Variants in PARP16 observed in about 807,000 individuals in gnomAD.
PARP16 encodes the protein protein mono-ADP-ribosyltransferase PARP16.
In PARP16, 31 loss-of-function variants were observed where a neutral mutation model predicts 35.0. That is an observed-to-expected ratio of 0.88 (90% CI 0.66 to 1.19). PARP16 has a LOEUF of 1.19. Ranked by LOEUF, PARP16 falls within the 50% of genes most tolerant of loss-of-function variation. The pLI, the probability that PARP16 is intolerant of heterozygous loss-of-function variation, is 0.00. For missense variants in PARP16, 424 were observed against 411.2 expected (o/e 1.03, Z -0.27); for synonymous variants, 162 against 169.5 (o/e 0.96, Z 0.34).
chr15:65,240,779 G>A (rs1055607421), intron 3 of PARP16, among the ~76,000 whole-genome samples: 2 of 152,040 alleles, frequency 1.3e-5, no homozygotes, highest in Non-Finnish European at 2.9e-5. Flanking sequence ...GGAGAGAAGT[G>A]ACTGGATCAT....
At chr15:65,262,250 A>T (rs2089752621) in intron 4 of PARP16, among the ~76,000 whole-genome samples, 1 of 151,178 alleles carries the variant, frequency 6.6e-6, no homozygotes, top group African/African-American at 2.4e-5. Flanking sequence ...CTCATGACTC[A>T]GTCTCCCAAG....
intron 4 of PARP16, among the ~76,000 whole-genome samples, chr15:65,261,494 C>T (rs1255519247): frequency 5.7e-5 from 8 of 141,304 alleles, no homozygotes; most frequent in African/African-American, 2.1e-4. Flanking sequence ...TTGCTTTTTT[C>T]GTCCAGGCTG....
chr15:65,286,771 C>G lies in PARP16; in HGVS notation c.-345G>C. ...GACAATGGAATGACAACCGCGGGAA[C>G]GTGCTGACACGTGTCCTCCGCGGAG... On this transcript the variant is annotated 5_prime_UTR_variant, in exon 1 of 6. Transcript: ENST00000649807. 3.9e-6 allele frequency: 1 copy of G among 254,664 alleles called. No individual in the cohort carries two copies. Among genetic ancestry groups the G allele is most frequent in the Non-Finnish European group, 7.5e-6 (1 of 133,564 alleles). 15.8% of individuals were successfully genotyped at this position (254,664 alleles called of 1,614,324 possible).
At chr15:65,231,567 G>A (rs972323854), downstream of PARP16, among the ~76,000 whole-genome samples, 7 of 150,718 alleles carry the variant, frequency 4.6e-5, no homozygotes, top group Middle Eastern at 3.2e-3. Context: ...CTTGTGCCTC[G>A]CCCTCCAGAG....
chr15:65,250,923 A>G (rs891266939), intron 2 of PARP16, among the ~76,000 whole-genome samples: 7 of 152,176 alleles, frequency 4.6e-5, no homozygotes, highest in African/African-American at 1.7e-4. Flanking sequence ...GCTGGAGTGC[A>G]GTGGTGCGAT....
intron 2 of PARP16, among the ~76,000 whole-genome samples, chr15:65,267,641 T>TA (rs1401021250): frequency 1.6e-5 from 2 of 126,638 alleles, no homozygotes; most frequent in African/African-American, 5.8e-5. Context: ...AAATAATAAT[T>TA]AAAAAAATAA....
intron 2 of PARP16, among the ~76,000 whole-genome samples, chr15:65,250,546 G>A (rs1050746185): frequency 6.6e-6 from 1 of 152,306 alleles, no homozygotes; most frequent in South Asian, 2.1e-4. Flanking sequence ...GCCTTGCAGG[G>A]ATACTGTGAA....
intron 1 of PARP16, among the ~76,000 whole-genome samples, chr15:65,274,558 A>T (rs1026695791): frequency 6.9e-6 from 1 of 144,830 alleles, no homozygotes; most frequent in Non-Finnish European, 1.5e-5. Flanking sequence ...TGGGTGACAG[A>T]GTGAAACCCT....
intron 3 of PARP16, among the ~76,000 whole-genome samples, chr15:65,235,208 G>A (rs2140707127): frequency 6.6e-6 from 1 of 152,150 alleles, no homozygotes; most frequent in South Asian, 2.1e-4. Flanking sequence ...TTGGGAGGCT[G>A]AGGCAGGAGA....
At chr15:65,261,617 G>T (rs183101762) in intron 4 of PARP16, among the ~76,000 whole-genome samples, 1 of 151,646 alleles carries the variant, frequency 6.6e-6, no homozygotes, top group Non-Finnish European at 1.5e-5. Flanking sequence ...CACCATGCCC[G>T]GCTAATTTTT....
intron 3 of PARP16, among the ~76,000 whole-genome samples, chr15:65,236,578 T>C (rs2088883356): frequency 6.6e-6 from 1 of 152,220 alleles, no homozygotes; most frequent in Non-Finnish European, 1.5e-5. Flanking sequence ...TTGAGACAGC[T>C]AGCAGGGACA....
At position 65,259,484 on chromosome 15, in the gene PARP16, A is replaced by G. The variant is rs2089629281; in HGVS notation, c.892T>C (p.Tyr298His). 6.2e-7 allele frequency: 1 copy of G among 1,613,444 alleles called. No homozygotes were observed. Among genetic ancestry groups the G allele is most frequent in the Non-Finnish European group, 8.5e-7 (1 of 1,179,284 alleles). ...CTCACTATGAGCAGCAGCAGCAGAT[A>G]CAGGGATATCATGACGGTAAACCAA... The part of the protein sequence containing the change: ...SHWFTVMISL[Y>H]LLLLLIVSVI... The change falls in exon 6 of 6, where the codon TAT becomes CAT. Residue 298 changes from tyrosine to histidine, a missense_variant. By Grantham distance (83) the Tyr-to-His change is moderately conservative. Transcript: ENST00000649807.
chr15:65,261,991 T>A (rs774581761), intron 4 of PARP16, among the ~76,000 whole-genome samples: 5 of 152,200 alleles, frequency 3.3e-5, no homozygotes, highest in Non-Finnish European at 7.3e-5. Context: ...GAATTATAAA[T>A]GCAAATATCC....
intron 1 of PARP16, among the ~76,000 whole-genome samples, chr15:65,271,941 A>G (rs766964223): frequency 1.9e-4 from 29 of 152,226 alleles, no homozygotes; most frequent in Non-Finnish European, 3.5e-4. Flanking sequence ...GAGGAACTGT[A>G]AATGGGGAAT....
At chr15:65,265,668 A>G (rs1339793428) in intron 3 of PARP16, among the ~76,000 whole-genome samples, 2 of 152,098 alleles carry the variant, frequency 1.3e-5, no homozygotes, top group Middle Eastern at 3.2e-3. Context: ...AAACTTCAAT[A>G]TGCATACAGA....
At chr15:65,274,526 A>G (rs184412578) in intron 1 of PARP16, among the ~76,000 whole-genome samples, 136 of 151,320 alleles carry the variant, frequency 9.0e-4, no homozygotes, top group African/African-American at 3.2e-3. Context: ...GTGAGCCATG[A>G]TTGTTCTACT....
intron 3 of PARP16, among the ~76,000 whole-genome samples, chr15:65,240,307 TGTGGTGGGGGGGGCTA>T (rs2089025222): frequency 1.4e-5 from 1 of 70,456 alleles, no homozygotes; most frequent in African/African-American, 3.7e-5. Flanking sequence ...TGTGTGTGTG[TGTGGTGGGGGGGGCTA>T]GTGTGTGTGT....
chr15:65,262,616 C>T (rs981781009), intron 4 of PARP16, among the ~76,000 whole-genome samples: 1 of 152,162 alleles, frequency 6.6e-6, no homozygotes, highest in African/African-American at 2.4e-5. Flanking sequence ...ACCTTGGCTG[C>T]CCTTCACATC....
chr15:65,279,506 C>T (rs561754997), intron 1 of PARP16, among the ~76,000 whole-genome samples: 9 of 152,182 alleles, frequency 5.9e-5, no homozygotes, highest in Non-Finnish European at 1.2e-4. Flanking sequence ...TACCTACCCA[C>T]TGACAGTCAC....
Sources: allele counts gnomAD v4.1 joint callset (sites outside exome capture counted in the v4.1 genomes callset), GRCh38; gene constraint gnomAD v4.1.1; transcripts MANE v1.5; gene names NCBI Gene and HGNC (gene_info 2026-07-23, HGNC 2026-07-21).